The following RNF213 variants were observed in gnomAD, a reference collection of about 807,000 sequenced individuals.
The protein encoded by RNF213 is ring finger protein 213, also known as E3 ubiquitin-protein ligase RNF213.
Under a neutral mutation model 514.4 loss-of-function variants are expected in RNF213, and 341 were observed. The observed-to-expected ratio is 0.66, with a 90% CI of 0.61 to 0.73. RNF213 has a LOEUF of 0.73. RNF213 is among the 30% of genes least tolerant of loss of function. The pLI is 0.00. For synonymous variants in RNF213, 2,655 were observed against 2,658.2 expected, an observed-to-expected ratio of 1.00 and a Z score of 0.04; for missense variants, 5,767 against 6,615.6, an observed-to-expected ratio of 0.87 and a Z score of 4.45.
At chr17:80,381,828 C>T in intron 57 of RNF213, 101 bp downstream of exon 57, 2 of 1,102,642 alleles carry the variant, frequency 1.8e-6, no homozygotes, top group Non-Finnish European at 2.7e-6. Context: ...CCAGTCTGAG[C>T]TCTGTCTGTG....
chr17:80,345,048 G>A lies in RNF213; in HGVS notation c.6713G>A (p.Ser2238Asn), dbSNP rs567396131. The A allele has an allele frequency of 6.2e-7, 1 of 1,614,096 alleles. No homozygotes were observed. The highest frequency in any genetic ancestry group is 1.1e-5 in the South Asian group (1 of 91,078). ...DCEASLFCNP[S>N]FIGDTLRGFK... ...GAGGCCTCTCTCTTCTGCAATCCGA[G>A]TTTTATTGGCGACACACTGAGGGGC... is the stretch of plus-strand genomic sequence containing the variant. The change falls in exon 29 of 68, where the codon AGT (serine) becomes AAT (asparagine). Residue 2238 changes from serine (S) to asparagine (N), a missense_variant. Ser to Asn is a conservative substitution (Grantham distance 46). Around this residue, in one of 13 missense-constraint regions of RNF213, gnomAD observed 1,377 missense variants for 1,635.2 expected, o/e 0.84. Transcript: ENST00000582970. The surrounding 1 kb of genome is among the most constrained non-coding windows in gnomAD (Gnocchi z 6.0).
Position 80,312,993 on chromosome 17 carries a change from C to T in RNF213, c.2656-19C>T, listed in dbSNP as rs1281320377. On this transcript the variant is annotated intron_variant, in intron 14 of 67. Transcript: ENST00000582970. ...TCCACAGCCGAGGATGACTGACCCT[C>T]CCTCTTGTGTGACAACAGGATTCTG... 4.3e-6 allele frequency: 7 copies of T among 1,613,516 alleles called. No homozygotes were observed. The highest frequency in any genetic ancestry group is 3.3e-5 in the South Asian group (3 of 91,080).
chr17:80,343,755 C>T lies in RNF213; in HGVS notation c.6184-102C>T, dbSNP rs1480936959. On this transcript the variant is annotated intron_variant, in intron 27 of 67. Transcript: ENST00000582970. This position sits in a 1 kb window ranked among gnomAD's most constrained non-coding sequence, Gnocchi z 4.3. Reference sequence around the variant, plus strand: ...TGGCTGAAATGTTGATGTTGATCATCAGGATCATCGTGACAAAGAGCAAAA... The same window carrying T: ...TGGCTGAAATGTTGATGTTGATCATTAGGATCATCGTGACAAAGAGCAAAA... 1 of 1,205,934 alleles carries T rather than the reference C, an allele frequency of 8.3e-7. No homozygotes were observed. The highest frequency in any genetic ancestry group is 1.5e-5 in the African/African-American group (1 of 66,834). 74.7% of individuals were successfully genotyped at this position (1,205,934 alleles called of 1,614,324 possible).
At chr17:80,313,994 GAAGGT>G in intron 15 of RNF213, among the ~76,000 whole-genome samples, 2 of 71,670 alleles carry the variant, frequency 2.8e-5, no homozygotes, top group African/African-American at 7.9e-5. Flanking sequence ...TGGTGGTGGT[GAAGGT>G]GATGGTGGAG....
intron 11 of RNF213, among the ~76,000 whole-genome samples, chr17:80,302,812 T>C (rs1489324869): frequency 6.6e-6 from 1 of 152,110 alleles, no homozygotes; most frequent in South Asian, 2.1e-4. Flanking sequence ...GTGGTAGAAG[T>C]CCAGATTCCC....
At chr17:80,383,586 C>A in intron 58 of RNF213, 91 bp from the exon 59 acceptor site, 1 of 1,343,274 alleles carries the variant, frequency 7.4e-7, no homozygotes, top group Non-Finnish European at 1.1e-6. Flanking sequence ...CCCTAATATG[C>A]AGACACCCAC....
rs767552381 is a variant in RNF213, at chr17:80,346,376, G to A, written c.8041G>A (p.Val2681Ile). ...VSKNHTERDP[V>I]LWSLMLAIGV... Reference sequence around the variant, plus strand: ...CAAAAATCACACCGAGAGAGATCCCGTCCTCTGGTCGTTGATGCTGGCCAT... The same window carrying A: ...CAAAAATCACACCGAGAGAGATCCCATCCTCTGGTCGTTGATGCTGGCCAT... Residue 2681 changes from valine (V) to isoleucine (I), a missense_variant, in exon 29 of 68, where the codon GTC becomes ATC. Around this residue, in one of 13 missense-constraint regions of RNF213, gnomAD observed 1,377 missense variants for 1,635.2 expected, o/e 0.84. Coordinates refer to ENST00000582970, the MANE Select transcript of RNF213 (RefSeq NM_001256071.3). The surrounding 1 kb of genome is among the most constrained non-coding windows in gnomAD (Gnocchi z 8.1). 1.1e-5 allele frequency: 17 copies of A among 1,613,244 alleles called. No individual in the cohort carries two copies. Among genetic ancestry groups the A allele is most frequent in the African/African-American group, 8.0e-5 (6 of 74,862 alleles).
Position 80,263,142 on chromosome 17 carries a change from G to T in RNF213, c.-108-432G>T, listed in dbSNP as rs1349279568. ...GTTCTGAGGGCAGGTGGTCAGTGCA[G>T]AGTGGCGCGCTTTGTGGATGGCAGC... On this transcript the variant is annotated intron_variant, in intron 1 of 67. Transcript: ENST00000582970. This position sits in a 1 kb window ranked among gnomAD's most constrained non-coding sequence, Gnocchi z 4.9. 1.3e-5 allele frequency among the ~76,000 whole-genome samples: 2 copies of T among 152,206 alleles called. No individual in the cohort carries two copies. The highest frequency in any genetic ancestry group is 4.8e-5 in the African/African-American group (2 of 41,444).
rs534280009 is a variant in RNF213 at position 80,374,497 on chromosome 17, C to T, written c.12982C>T (p.Leu4328=). The change falls in exon 50 of 68, where the codon CTG becomes TTG. Residue 4328 remains leucine, a synonymous_variant. Coordinates refer to ENST00000582970, the MANE Select transcript of RNF213 (RefSeq NM_001256071.3). ...QDHPGQMDRY[L]VYGDEYKALR... ...CCACCCAGGCCAGATGGATAGGTAC[C>T]TGGTGTACGGCGATGAATACAAGGC... 6.2e-6 allele frequency: 10 copies of T among 1,614,206 alleles called. No homozygotes were observed. In the East Asian group the frequency reaches 1.8e-4, roughly 29 times the overall value.
chr17:80,344,055 C>G (rs760854766), intron 28 of RNF213, 40 bp downstream of exon 28: 3 of 1,600,194 alleles, frequency 1.9e-6, no homozygotes, highest in Admixed American at 1.7e-5. Context: ...GTGGGGGGCT[C>G]TTGGGTTCTT....
At chr17:80,363,522 A>T in intron 40 of RNF213, 87 bp from the exon 41 acceptor site, 1 of 1,472,370 alleles carries the variant, frequency 6.8e-7, no homozygotes, top group Non-Finnish European at 9.4e-7. Context: ...CCTGGGACAC[A>T]AGTATACATG....
At position 80,344,711 on chromosome 17, in the gene RNF213, A is replaced by G; in HGVS notation, c.6376A>G (p.Ile2126Val). 6.2e-7 allele frequency: 1 copy of G among 1,614,124 alleles called. No individual in the cohort carries two copies. Among genetic ancestry groups the G allele is most frequent in the East Asian group, 2.2e-5 (1 of 44,890 alleles). Residue 2126 changes from isoleucine (I) to valine (V), a missense_variant, in exon 29 of 68, where the codon ATC becomes GTC. Ile to Val is a conservative substitution (Grantham distance 29). This residue lies in a region of RNF213 where 1,377 missense variants were observed against 1,635.2 expected (regional missense o/e 0.84). Transcript: ENST00000582970. The stretch of plus-strand genomic sequence containing the variant: ...TGTACCCCAGTTCAGTTTTCTTGAC[A>G]TCTTCCCAAAAGTCACCTGCAGGCC... The part of the protein sequence containing the change: ...TRVPQFSFLD[I>V]FPKVTCRPPK...
At chr17:80,266,353 G>T (rs538178366) in intron 2 of RNF213, among the ~76,000 whole-genome samples, 2 of 151,968 alleles carry the variant, frequency 1.3e-5, no homozygotes, top group East Asian at 3.9e-4. Context: ...AGTCGAGGCT[G>T]CAGTAAGCCA....
At position 80,354,593 on chromosome 17, in the gene RNF213, A is replaced by G; in HGVS notation, c.10862+17A>G. On this transcript the variant is annotated intron_variant, in intron 36 of 67. Transcript: ENST00000582970. ...CACATTCAGGTACTGTGACTAAAGG[A>G]AGCAAGGAGTGGCTCCAATCTGGTG... 1 of 1,614,000 alleles carries G rather than the reference A, an allele frequency of 6.2e-7. No homozygotes were observed. The highest frequency in any genetic ancestry group is 1.1e-5 in the South Asian group (1 of 91,074).
intron 26 of RNF213, among the ~76,000 whole-genome samples, chr17:80,342,737 A>ATATATTGTATGTATATATATATTATG (rs1568097850): frequency 6.9e-6 from 1 of 144,438 alleles, no homozygotes; most frequent in East Asian, 2.0e-4. Context: ...TATATATTAT[A>ATATATTGTATGTATATATATATTATG]TATATATTGT....
chr17:80,353,768 T>A lies in RNF213; in HGVS notation c.10578+102T>A. The stretch of plus-strand genomic sequence containing the variant: ...TGGGAGCTAGAGGAGTCGCCGCCGC[T>A]GTGCAGGGGTGAGGATGGCGCCCCA... On this transcript the variant is annotated intron_variant, in intron 34 of 67. Transcript: ENST00000582970. The surrounding 1 kb of genome is among the most constrained non-coding windows in gnomAD (Gnocchi z 5.0). The A allele has an allele frequency of 6.7e-7, 1 of 1,492,430 alleles. No individual in the cohort carries two copies. Among genetic ancestry groups the A allele is most frequent in the Non-Finnish European group, 9.3e-7 (1 of 1,072,618 alleles). The allele number at this position is 1,492,430 out of a possible 1,614,324, so 92.4% of individuals were successfully genotyped here.
intron 3 of RNF213, among the ~76,000 whole-genome samples, chr17:80,284,212 A>G (rs544768105): frequency 6.6e-6 from 1 of 152,082 alleles, no homozygotes; most frequent in African/African-American, 2.4e-5. Context: ...AAAAAAAAAA[A>G]AATTAGCCGG....
intron 8 of RNF213, among the ~76,000 whole-genome samples, chr17:80,294,282 G>A (rs540539813): frequency 5.9e-5 from 9 of 152,290 alleles, no homozygotes; most frequent in South Asian, 2.1e-4. Flanking sequence ...GCTGTGTCCC[G>A]TTCCTAGTAC....
At position 80,386,387 on chromosome 17, in the gene RNF213, G is replaced by C. The variant is rs143163385; in HGVS notation, c.14677G>C (p.Glu4893Gln). Reference protein sequence around the residue: ...LVSYLIRLHNEIVYAVEKLSK... With the variant: ...LVSYLIRLHNQIVYAVEKLSK... ...CAGCTACTTGATTCGCCTACACAAT[G>C]AAATTGTCTACGCCGTGGAAAAACT... Residue 4893 changes from glutamate to glutamine, a missense_variant, in exon 62 of 68, where the codon GAA becomes CAA. Coordinates refer to ENST00000582970, the MANE Select transcript of RNF213 (RefSeq NM_001256071.3). 723 of 1,614,170 alleles carry C rather than the reference G, an allele frequency of 4.5e-4. No homozygotes were observed. The highest frequency in any genetic ancestry group is 2.2e-3 in the Admixed American group (132 of 60,026).
Sources: gnomAD v4.1 joint callset for allele counts (sites outside exome capture counted in the v4.1 genomes callset) on GRCh38, gnomAD v4.1.1 for gene constraint, gnomAD v4.1.1 regional missense constraint, Gnocchi (gnomAD v3.1) non-coding constraint, MANE v1.5 for transcripts, NCBI Gene and HGNC (gene_info 2026-07-23, HGNC 2026-07-21) for gene names.